The following CACNA2D1 variants were observed in gnomAD, a reference collection of about 807,000 sequenced individuals.
CACNA2D1 encodes the protein voltage-dependent calcium channel subunit alpha-2/delta-1.
Under a neutral mutation model 171.5 loss-of-function variants are expected in CACNA2D1, and 53 were observed. The ratio of observed to expected loss-of-function variants is 0.31; its 90% CI spans 0.25 to 0.39. The LOEUF is 0.39. Ranked by LOEUF, CACNA2D1 falls within the 10% of genes least tolerant of loss-of-function variation. The probability of loss-of-function intolerance (pLI) is 1.00; values close to 1 mark genes in which losing one functional copy is unlikely to be tolerated. For missense variants in CACNA2D1, 903 were observed against 1,299.8 expected (o/e 0.69, Z 4.69); for synonymous variants, 442 against 443.1 (o/e 1.00, Z 0.03).
At chr7:81,990,237 G>A (rs1740666976) in intron 21 of CACNA2D1, among the ~76,000 whole-genome samples, 1 of 152,134 alleles carries the variant, frequency 6.6e-6, no homozygotes, top group Non-Finnish European at 1.5e-5. Context: ...CAGAAATTGG[G>A]AGAAGTATTT....
chr7:82,126,405 A>G (rs2129063265), intron 5 of CACNA2D1, among the ~76,000 whole-genome samples: 1 of 152,268 alleles, frequency 6.6e-6, no homozygotes, highest in South Asian at 2.1e-4. Context: ...TCATTATACT[A>G]TTTCTCTCTT....
chr7:82,307,376 T>TC, intron 3 of CACNA2D1, among the ~76,000 whole-genome samples: 1 of 151,638 alleles, frequency 6.6e-6, no homozygotes, highest in Non-Finnish European at 1.5e-5. Flanking sequence ...GGGCTGGTTC[T>TC]GAACTCCTGA....
rs1427565413 is a variant in CACNA2D1 at position 82,146,483 on chromosome 7, CATATTT to C, written c.355-9813_355-9808del. On this transcript the variant is annotated intron_variant, in intron 4 of 38. Coordinates refer to ENST00000356860, the MANE Select transcript of CACNA2D1 (RefSeq NM_000722.4). ...ATATAAATATATATCTTTATATATACATATTTATATTTATATATATATAAAGATATA... is the reference window on the plus strand; with the variant it reads ...ATATAAATATATATCTTTATATATACATATTTATATATATATAAAGATATA... Among the ~76,000 whole-genome samples the C allele has an allele frequency of 1.0e-4, 14 of 135,382 alleles. 1 individual carries two copies. Among genetic ancestry groups the C allele is most frequent in the African/African-American group, 1.9e-4 (7 of 36,220 alleles). 88.8% of individuals were successfully genotyped at this position (135,382 alleles called of 152,430 possible).
At chr7:82,297,492 G>T (rs6942428) in intron 3 of CACNA2D1, among the ~76,000 whole-genome samples, 40,486 of 151,968 alleles carry the variant, frequency 0.27, 6,379 homozygotes, top group Non-Finnish European at 0.35. Context: ...TTGCACAATA[G>T]AAAGAATGTA....
intron 7 of CACNA2D1, among the ~76,000 whole-genome samples, chr7:82,080,235 T>C (rs1160881677): frequency 6.6e-6 from 1 of 151,822 alleles, no homozygotes; most frequent in African/African-American, 2.4e-5. Flanking sequence ...AAGTAGCATA[T>C]TAATAATCAA....
At chr7:82,002,021 C>CAAAAAAAAAAAAAAAAAAAAAAA (rs35861959) in intron 18 of CACNA2D1, among the ~76,000 whole-genome samples, 1 of 89,438 alleles carries the variant, frequency 1.1e-5, no homozygotes, top group Non-Finnish European at 2.1e-5. Flanking sequence ...ATTGATTTGA[C>CAAAAAAAAAAAAAAAAAAAAAAA]AAAAAAAAAA....
chr7:82,075,814 A>G (rs1808892669), intron 7 of CACNA2D1, among the ~76,000 whole-genome samples: 2 of 152,226 alleles, frequency 1.3e-5, no homozygotes, highest in Non-Finnish European at 2.9e-5. Flanking sequence ...TGAATTACAC[A>G]GCAAAGATGT....
intron 3 of CACNA2D1, among the ~76,000 whole-genome samples, chr7:82,293,237 A>C (rs1017515002): frequency 6.7e-6 from 1 of 149,860 alleles, no homozygotes; most frequent in East Asian, 2.0e-4. Flanking sequence ...CATTTTTTGA[A>C]GTTTTCTTCA....
intron 2 of CACNA2D1, among the ~76,000 whole-genome samples, chr7:82,336,322 C>A (rs1041170093): frequency 3.3e-5 from 5 of 152,250 alleles, no homozygotes; most frequent in Admixed American, 1.3e-4. Context: ...CAGATACATA[C>A]TAACATTTAT....
At chr7:82,101,109 G>GATA (rs1563049420) in intron 6 of CACNA2D1, among the ~76,000 whole-genome samples, 2 of 151,914 alleles carry the variant, frequency 1.3e-5, no homozygotes, top group African/African-American at 2.4e-5. Flanking sequence ...ATTTATATAA[G>GATA]ATATTATATA....
At chr7:82,054,467 C>A (rs1205079967) in intron 10 of CACNA2D1, among the ~76,000 whole-genome samples, 1 of 152,166 alleles carries the variant, frequency 6.6e-6, no homozygotes, top group Non-Finnish European at 1.5e-5. Context: ...TATACTTATT[C>A]CCAGAGAAAT....
At chr7:82,264,898 T>C (rs998341100) in intron 3 of CACNA2D1, among the ~76,000 whole-genome samples, 11 of 152,230 alleles carry the variant, frequency 7.2e-5, no homozygotes, top group African/African-American at 1.4e-4. Context: ...CCTAATCAGA[T>C]ATCTCCCCAT....
intron 6 of CACNA2D1, among the ~76,000 whole-genome samples, chr7:82,094,500 C>T (rs1265473933): frequency 1.3e-5 from 2 of 152,080 alleles, no homozygotes; most frequent in Non-Finnish European, 2.9e-5. Flanking sequence ...TTCAGGATGC[C>T]TACAACATAG....
chr7:82,400,635 A>G (rs1245325112), intron 1 of CACNA2D1, among the ~76,000 whole-genome samples: 2 of 152,190 alleles, frequency 1.3e-5, no homozygotes, highest in Admixed American at 1.3e-4. Context: ...CATTCAGGAC[A>G]CAGGCATGGG....
At chr7:82,091,527 G>T (rs1210171032) in intron 6 of CACNA2D1, among the ~76,000 whole-genome samples, 1 of 152,162 alleles carries the variant, frequency 6.6e-6, no homozygotes, top group Non-Finnish European at 1.5e-5. Context: ...CAGAGGAGGA[G>T]CTCAGAAGAA....
chr7:82,341,474 T>G (rs1313213672), intron 2 of CACNA2D1, among the ~76,000 whole-genome samples: 1 of 152,160 alleles, frequency 6.6e-6, no homozygotes, highest in Non-Finnish European at 1.5e-5. Flanking sequence ...CAAAATGAAT[T>G]TTGCCATAAA....
intron 3 of CACNA2D1, among the ~76,000 whole-genome samples, chr7:82,290,108 T>C (rs1811336931): frequency 1.3e-5 from 2 of 152,148 alleles, no homozygotes; most frequent in South Asian, 4.1e-4. Flanking sequence ...ATTGCGGTTT[T>C]TGCCATTACT....
At chr7:82,291,904 A>C (rs1811686456) in intron 3 of CACNA2D1, among the ~76,000 whole-genome samples, 1 of 152,064 alleles carries the variant, frequency 6.6e-6, no homozygotes, top group Middle Eastern at 3.4e-3. Flanking sequence ...AAATTTAGAT[A>C]ATATCCACAA....
chr7:82,307,171 G>A (rs1813839928), intron 3 of CACNA2D1, among the ~76,000 whole-genome samples: 1 of 151,846 alleles, frequency 6.6e-6, no homozygotes, highest in South Asian at 2.1e-4. Flanking sequence ...CTTTTTTTAG[G>A]TGTGGGAATA....
Sources: allele counts gnomAD v4.1 joint callset (sites outside exome capture counted in the v4.1 genomes callset), GRCh38; gene constraint gnomAD v4.1.1; transcripts MANE v1.5; gene names NCBI Gene and HGNC (gene_info 2026-07-23, HGNC 2026-07-21).